SLC16A2: variants seen among roughly 807,000 people sequenced by gnomAD.
SLC16A2 encodes the protein monocarboxylate transporter 8.
SLC16A2 carries 3 observed loss-of-function variants against 27.2 expected under a neutral mutation model. The ratio of observed to expected loss-of-function variants is 0.11; its 90% CI spans 0.05 to 0.28. The LOEUF is 0.28. Among genes scored for constraint, SLC16A2 ranks in the 10% least tolerant of loss-of-function variants. The probability of loss-of-function intolerance (pLI) is 1.00; values close to 1 mark genes in which losing one functional copy is unlikely to be tolerated. For missense variants in SLC16A2, 295 were observed against 458.5 expected (o/e 0.64, Z 3.26); for synonymous variants, 202 against 187.8 (o/e 1.08, Z -0.62).
chrX:74,427,592 G>A (rs1034519935), intron 1 of SLC16A2, among the ~76,000 whole-genome samples: 4 of 111,660 alleles, frequency 3.6e-5, no homozygotes, highest in South Asian at 3.8e-4. Context: ...AGTTTCCCAG[G>A]AAGATGCACT....
intron 2 of SLC16A2, among the ~76,000 whole-genome samples, chrX:74,521,587 C>T (rs1417337677): frequency 2.7e-5 from 3 of 112,235 alleles, no homozygotes; most frequent in Non-Finnish European, 3.8e-5. Context: ...ACTTTCCATC[C>T]CAAGATTGAG....
At chrX:74,519,743 G>A (rs28382350) in intron 1 of SLC16A2, among the ~76,000 whole-genome samples, 4,937 of 43,912 alleles carry the variant, frequency 0.11, 169 homozygotes, top group Non-Finnish European at 0.28. Context: ...AAAAAAAAAC[G>A]AAAGAAAGAA....
At chrX:74,505,212 C>G (rs1012611579) in intron 1 of SLC16A2, among the ~76,000 whole-genome samples, 1 of 111,553 alleles carries the variant, frequency 9.0e-6, no homozygotes, top group African/African-American at 3.3e-5. Context: ...GAGGTCCCAG[C>G]CTTATTTCAG....
intron 1 of SLC16A2, among the ~76,000 whole-genome samples, chrX:74,506,590 A>AAG (rs1216984286): frequency 9.0e-6 from 1 of 111,092 alleles, no homozygotes; most frequent in Non-Finnish European, 1.9e-5. Context: ...TTAATGTCTA[A>AAG]AGAGAGAGAG....
At chrX:74,435,549 ATATATT>A (rs1928617162) in intron 1 of SLC16A2, among the ~76,000 whole-genome samples, 9 of 3,579 alleles carry the variant, frequency 2.5e-3, no homozygotes, top group Admixed American at 0.01. Context: ...ATATATATAT[ATATATT>A]TTTTTTTTTT....
rs1930508072 is a variant in SLC16A2 at position 74,527,785 on chromosome X, T to C, written c.1171-1428T>C. 2.7e-5 allele frequency among the ~76,000 whole-genome samples: 3 copies of C among 112,828 alleles called. 1 individual carries two copies. The South Asian group carries it at 1.1e-3, about 41-fold the overall frequency. Reference sequence around the variant, plus strand: ...ACAATAGGTAATACTTAGACCTGATTAAAATCAGTTAATAGGGTCCTTTGT... The same window carrying C: ...ACAATAGGTAATACTTAGACCTGATCAAAATCAGTTAATAGGGTCCTTTGT... On this transcript the variant is annotated intron_variant, in intron 4 of 5. Coordinates refer to ENST00000587091, the MANE Select transcript of SLC16A2 (RefSeq NM_006517.5).
At chrX:74,437,849 A>G (rs181556641) in intron 1 of SLC16A2, among the ~76,000 whole-genome samples, 3 of 111,205 alleles carry the variant, frequency 2.7e-5, no homozygotes, top group African/African-American at 9.8e-5. Context: ...CAGGACCCCC[A>G]CCCTCATCAC....
At chrX:74,506,925 ATTTATTTATTTATT>A (rs1394202165) in intron 1 of SLC16A2, among the ~76,000 whole-genome samples, 2 of 29,735 alleles carry the variant, frequency 6.7e-5, no homozygotes, top group African/African-American at 1.2e-4. Flanking sequence ...TTATTTATTT[ATTTATTTATTTATT>A]TTTTTTTTTT....
chrX:74,474,612 A>G (rs943041198), intron 1 of SLC16A2, among the ~76,000 whole-genome samples: 1 of 109,922 alleles, frequency 9.1e-6, no homozygotes, highest in African/African-American at 3.3e-5. Context: ...TATATCTCCT[A>G]ATGCTATCCT....
At chrX:74,442,725 G>C (rs923636573) in intron 1 of SLC16A2, among the ~76,000 whole-genome samples, 2 of 112,251 alleles carry the variant, frequency 1.8e-5, no homozygotes, top group Admixed American at 9.5e-5. Context: ...GGGAGGCCAA[G>C]GCGGGTGGAT....
At chrX:74,489,970 T>TAC (rs55975734) in intron 1 of SLC16A2, among the ~76,000 whole-genome samples, 13,860 of 86,919 alleles carry the variant, frequency 0.16, 1,320 homozygotes, top group African/African-American at 0.32. Flanking sequence ...GTCACACACA[T>TAC]ACACACACAC....
chrX:74,455,325 G>T (rs996478183), intron 1 of SLC16A2, among the ~76,000 whole-genome samples: 4 of 110,693 alleles, frequency 3.6e-5, no homozygotes, highest in Non-Finnish European at 7.6e-5. Context: ...TTTTATGGAT[G>T]AGTAACTAAA....
At chrX:74,428,279 G>C (rs1297492440) in intron 1 of SLC16A2, among the ~76,000 whole-genome samples, 1 of 110,788 alleles carries the variant, frequency 9.0e-6, no homozygotes, top group Non-Finnish European at 1.9e-5. Context: ...CCTTGTGGAT[G>C]GGGAATGTGG....
chrX:74,528,402 T>C (rs1930517188), intron 4 of SLC16A2, among the ~76,000 whole-genome samples: 1 of 111,070 alleles, frequency 9.0e-6, no homozygotes. Context: ...AAACAACCTC[T>C]GGAAAGGCAG....
intron 1 of SLC16A2, among the ~76,000 whole-genome samples, chrX:74,449,651 T>A (rs1928900675): frequency 9.0e-6 from 1 of 111,450 alleles, no homozygotes; most frequent in Non-Finnish European, 1.9e-5. Flanking sequence ...CAGGGTCTCC[T>A]CCCTGGTCCT....
chrX:74,463,943 C>T (rs1344552998), intron 1 of SLC16A2, among the ~76,000 whole-genome samples: 1 of 112,422 alleles, frequency 8.9e-6, no homozygotes, highest in Non-Finnish European at 1.9e-5. Context: ...TCATCCCTCC[C>T]TCCACCACCA....
intron 1 of SLC16A2, among the ~76,000 whole-genome samples, chrX:74,427,613 C>G (rs1216860844): frequency 1.8e-5 from 2 of 111,608 alleles, no homozygotes; most frequent in Admixed American, 9.5e-5. Flanking sequence ...GCTTTTCCCA[C>G]CAGCCTCATT....
chrX:74,520,906 G>T, intron 1 of SLC16A2, 84 bp from the exon 2 acceptor site: 1 of 1,079,298 alleles, frequency 9.3e-7, no homozygotes, highest in Non-Finnish European at 1.3e-6. Flanking sequence ...CCTGTGAAAG[G>T]CCAGAGAAGA....
chrX:74,422,403 C>T (rs1424863026), intron 1 of SLC16A2, among the ~76,000 whole-genome samples: 1 of 109,166 alleles, frequency 9.2e-6, no homozygotes, highest in Non-Finnish European at 1.9e-5. Flanking sequence ...CCCCTGTGTG[C>T]TGGGGGAAAA....
Sources: gnomAD v4.1 joint callset for allele counts (sites outside exome capture counted in the v4.1 genomes callset) on GRCh38, gnomAD v4.1.1 for gene constraint, MANE v1.5 for transcripts, NCBI Gene and HGNC (gene_info 2026-07-23, HGNC 2026-07-21) for gene names.